The following ATP8B3 variants were observed in gnomAD, a reference collection of about 807,000 sequenced individuals.
The protein encoded by ATP8B3 is ATPase phospholipid transporting 8B3.
A neutral mutation model predicts 140.9 loss-of-function variants in ATP8B3; 141 were observed. The ratio of observed to expected loss-of-function variants is 1.00; its 90% CI spans 0.87 to 1.15. The LOEUF (loss-of-function observed/expected upper bound fraction) is 1.15, where lower values mean the gene tolerates loss of function less well. Ranked by LOEUF, ATP8B3 falls within the 50% of genes most tolerant of loss-of-function variation. The pLI is 0.00. For missense variants in ATP8B3, 1,874 were observed against 1,740.6 expected (o/e 1.08, Z -1.36); for synonymous variants, 765 against 714.6 (o/e 1.07, Z -1.13).
Position 1,788,983 on chromosome 19 carries a change from T to TGG in ATP8B3, c.2982_2983insCC (p.Lys995ProfsTer15). On this transcript the variant is annotated frameshift_variant, in exon 24 of 29. Transcript: ENST00000310127. LOFTEE classifies it high-confidence loss of function. Reference sequence around the variant, plus strand: ...TTGTAGAAGAAGTAGCGCAGGAACTTGCAGATCCGCACGTAGGACCAGCGG... The same window carrying TGG: ...TTGTAGAAGAAGTAGCGCAGGAACTTGGGCAGATCCGCACGTAGGACCAGCGG... The TGG allele has an allele frequency of 6.2e-7, 1 of 1,610,528 alleles. No individual in the cohort carries two copies. Among genetic ancestry groups the TGG allele is most frequent in the Non-Finnish European group, 8.5e-7 (1 of 1,178,834 alleles).
In ATP8B3 at chr19:1,789,574, C is replaced by G. The variant is rs762091378; in HGVS notation, c.2632G>C (p.Ala878Pro). Residue 878 changes from alanine (A) to proline (P), a missense_variant, in exon 23 of 29, where the codon GCT becomes CCT. By Grantham distance (27) the Ala-to-Pro change is conservative. Transcript: ENST00000310127. ...LLCRRFGLPL[A>P]APPAQDSRAR... ...CTGGAGTCCTGGGCTGGCGGTGCAG[C>G]CAGCGGGAGCCCGAACCTCCGGCAC... is the stretch of plus-strand genomic sequence containing the variant. The G allele has an allele frequency of 1.3e-6, 2 of 1,593,274 alleles. No homozygotes were observed. Among genetic ancestry groups the G allele is most frequent in the African/African-American group, 2.7e-5 (2 of 74,618 alleles).
chr19:1,790,904 G>A, intron 20 of ATP8B3, 72 bp from the exon 21 acceptor site: 2 of 1,387,726 alleles, frequency 1.4e-6, no homozygotes, highest in Non-Finnish European at 2.0e-6. Context: ...CGCCCACTCT[G>A]CCCGGTGAAT....
Position 1,802,612 on chromosome 19 carries a change from A to T in ATP8B3, c.938T>A (p.Met313Lys). 1 of 1,611,880 alleles carries T rather than the reference A, an allele frequency of 6.2e-7. No individual in the cohort carries two copies. Among genetic ancestry groups the T allele is most frequent in the Non-Finnish European group, 8.5e-7 (1 of 1,179,616 alleles). Residue 313 changes from methionine (M) to lysine (K), a missense_variant, in exon 11 of 29, where the codon ATG (methionine) becomes AAG (lysine). Physicochemically the swap from Met to Lys is moderately conservative, Grantham distance 95. Coordinates refer to ENST00000310127, the MANE Select transcript of ATP8B3 (RefSeq NM_138813.4). The part of the protein sequence containing the change: ...TVTCEAPNSR[M>K]HHFVGCLEWN... ...TTCCAGGCACCCCACGAAGTGGTGCATCCGACTGTTAGGCGCCTCACACGT... is the reference window on the plus strand; with the variant it reads ...TTCCAGGCACCCCACGAAGTGGTGCTTCCGACTGTTAGGCGCCTCACACGT...
rs199969503 is a variant in ATP8B3, at chr19:1,788,976, A to G, written c.2990T>C (p.Leu997Pro). The G allele has an allele frequency of 6.7e-5, 108 of 1,610,090 alleles. No homozygotes were observed. The highest frequency in any genetic ancestry group is 4.9e-4 in the Middle Eastern group (3 of 6,082). Reference sequence around the variant, plus strand: ...CATGCTCTTGTAGAAGAAGTAGCGCAGGAACTTGCAGATCCGCACGTAGGA... The same window carrying G: ...CATGCTCTTGTAGAAGAAGTAGCGCGGGAACTTGCAGATCCGCACGTAGGA... ...RWSYVRICKF[L>P]RYFFYKSMAS... Residue 997 changes from leucine to proline, a missense_variant, in exon 24 of 29, where the codon CTG (leucine) becomes CCG (proline). This residue lies in a region of ATP8B3 where 840 missense variants were observed against 760.9 expected (regional missense o/e 1.10). Coordinates refer to ENST00000310127, the MANE Select transcript of ATP8B3 (RefSeq NM_138813.4).
intron 17 of ATP8B3, 32 bp from the exon 18 acceptor site, chr19:1,796,019 G>A (rs2145188809): frequency 1.2e-6 from 2 of 1,612,044 alleles, no homozygotes; most frequent in East Asian, 4.5e-5. Context: ...TGCCCACAGA[G>A]GCTCCCCGTC....
At chr19:1,810,324 C>G (rs1262536696) in intron 3 of ATP8B3, among the ~76,000 whole-genome samples, 2 of 152,200 alleles carry the variant, frequency 1.3e-5, no homozygotes, top group Non-Finnish European at 2.9e-5. Flanking sequence ...GTAGCACAAT[C>G]GCAGCTCACT....
Position 1,800,632 on chromosome 19 carries a change from C to T in ATP8B3, c.1153-183G>A, listed in dbSNP as rs1302314594. On this transcript the variant is annotated intron_variant, in intron 12 of 28. Transcript: ENST00000310127. This position sits in a 1 kb window ranked among gnomAD's most constrained non-coding sequence, Gnocchi z 4.4. ...GTCAGGAGTTCAAGACCAGCCTGGGCGACAAAGTGAGACCTCATCTCGACG... is the reference window on the plus strand; with the variant it reads ...GTCAGGAGTTCAAGACCAGCCTGGGTGACAAAGTGAGACCTCATCTCGACG... 2.0e-5 allele frequency among the ~76,000 whole-genome samples: 3 copies of T among 151,934 alleles called. No homozygotes were observed. The highest frequency in any genetic ancestry group is 4.8e-5 in the African/African-American group (2 of 41,338).
chr19:1,792,141 G>T lies in ATP8B3; in HGVS notation c.2056-6C>A. On this transcript the variant is annotated splice_region_variant and splice_polypyrimidine_tract_variant and intron_variant, in intron 18 of 28. Coordinates refer to ENST00000310127, the MANE Select transcript of ATP8B3 (RefSeq NM_138813.4). ...AGGGTCTCCTGGGCAAAGGCCTGGG[G>T]GCCGGGCAGGTGGAAGCTGTCACCA... The T allele has an allele frequency of 6.4e-7, 1 of 1,568,418 alleles. No individual in the cohort carries two copies. Among genetic ancestry groups the T allele is most frequent in the Non-Finnish European group, 8.6e-7 (1 of 1,164,822 alleles).
At position 1,811,511 on chromosome 19, in the gene ATP8B3, T is replaced by C; in HGVS notation, c.226A>G (p.Lys76Glu). ...RHKAQPGRAR[K>E]YEWRPEGPTS... ...CACCCTTCTGGTCTCCATTCATACT[T>C]CCTAGCCCGGCCAGGCTGGGCCTTG... The change falls in exon 2 of 29, where the codon AAG (lysine) becomes GAG (glutamate). Residue 76 changes from lysine (K) to glutamate (E), a missense_variant. By Grantham distance (56) the Lys-to-Glu change is moderately conservative (BLOSUM62 1). Coordinates refer to ENST00000310127, the MANE Select transcript of ATP8B3 (RefSeq NM_138813.4). 1 of 1,612,054 alleles carries C rather than the reference T, an allele frequency of 6.2e-7. No individual in the cohort carries two copies. Among genetic ancestry groups the C allele is most frequent in the Non-Finnish European group, 8.5e-7 (1 of 1,179,696 alleles).
At chr19:1,797,570 G>A (rs2068722281) in intron 14 of ATP8B3, among the ~76,000 whole-genome samples, 1 of 150,950 alleles carries the variant, frequency 6.6e-6, no homozygotes, top group Non-Finnish European at 1.5e-5. Context: ...CACAAGCTCA[G>A]CTCACTGCAA....
rs1411637839 is a variant in ATP8B3 at position 1,800,419 on chromosome 19, C to G, written c.1183G>C (p.Val395Leu). Reference sequence around the variant, plus strand: ...GAGAAACCGAAGCCGAAGGCCAACACCAGGCAGACAAGCACCACGGAGATG... The same window carrying G: ...GAGAAACCGAAGCCGAAGGCCAACAGCAGGCAGACAAGCACCACGGAGATG... Reference protein sequence around the residue: ...IFISVVLVCLVLAFGFGFSVK... With the variant: ...IFISVVLVCLLLAFGFGFSVK... Residue 395 changes from valine to leucine, a missense_variant, in exon 13 of 29, where the codon GTG (valine) becomes CTG (leucine). Transcript: ENST00000310127. This position sits in a 1 kb window ranked among gnomAD's most constrained non-coding sequence, Gnocchi z 4.4. 7 of 1,612,550 alleles carry G rather than the reference C, an allele frequency of 4.3e-6. No individual in the cohort carries two copies. In the South Asian group the frequency reaches 7.7e-5, roughly 18 times the overall value.
At chr19:1,811,440 G>GC (rs776206666) in intron 2 of ATP8B3, 49 bp downstream of exon 2, 21 of 1,570,554 alleles carry the variant, frequency 1.3e-5, no homozygotes, top group Non-Finnish European at 2.6e-6. Context: ...TGCCCTCCCC[G>GC]CCAAGCCCCT....
intron 25 of ATP8B3, 63 bp downstream of exon 25, chr19:1,787,040 C>T (rs948089439): frequency 1.3e-5 from 18 of 1,430,696 alleles, no homozygotes; most frequent in African/African-American, 8.5e-5. Flanking sequence ...CCCCAAGGAG[C>T]GGAGGAGAGG....
chr19:1,784,790 T>A (rs1470780019), intron 28 of ATP8B3, 29 bp downstream of exon 28: 9 of 1,571,860 alleles, frequency 5.7e-6, no homozygotes, highest in Admixed American at 1.9e-5. Flanking sequence ...ATGTACCAGA[T>A]GAGGACCCCA....
chr19:1,803,029 C>G (rs2068902107), intron 10 of ATP8B3, among the ~76,000 whole-genome samples: 1 of 152,156 alleles, frequency 6.6e-6, no homozygotes, highest in South Asian at 2.1e-4. Flanking sequence ...ACACTCTGAC[C>G]CCAGGGCACG....
chr19:1,809,416 G>A (rs1021142488), intron 4 of ATP8B3, among the ~76,000 whole-genome samples: 2 of 151,810 alleles, frequency 1.3e-5, no homozygotes, highest in African/African-American at 4.8e-5. Flanking sequence ...CGGAGGTGGA[G>A]GTTGCAGTGA....
chr19:1,806,076 T>C lies in ATP8B3; in HGVS notation c.750+21A>G. 6.2e-7 allele frequency: 1 copy of C among 1,601,452 alleles called. No individual in the cohort carries two copies. The highest frequency in any genetic ancestry group is 8.5e-7 in the Non-Finnish European group (1 of 1,174,672). On this transcript the variant is annotated intron_variant, in intron 8 of 28. Coordinates refer to ENST00000310127, the MANE Select transcript of ATP8B3 (RefSeq NM_138813.4). The surrounding 1 kb of genome is among the most constrained non-coding windows in gnomAD (Gnocchi z 5.6). ...TGAGGGGGCGCGTGGTTCTGGGACC[T>C]CGGGGTCAACCCCAGCTCACTGGGA...
At position 1,782,189 on chromosome 19, in the gene ATP8B3, A is replaced by G. The variant is rs1600375210; in HGVS notation, c.*839T>C. ...GTTGACTTGCAGCAGAACTGGCTGG[A>G]GCTTCTTCTTCCCAGGAAGGACATC... On this transcript the variant is annotated 3_prime_UTR_variant, in exon 29 of 29. Coordinates refer to ENST00000310127, the MANE Select transcript of ATP8B3 (RefSeq NM_138813.4). 4.0e-6 allele frequency: 1 copy of G among 251,960 alleles called. No individual in the cohort carries two copies. 15.6% of individuals were successfully genotyped at this position (251,960 alleles called of 1,614,324 possible). A position where few individuals can be genotyped will look rare whatever the true frequency, so the allele number is the denominator to read the frequency against.
At chr19:1,787,074 G>C in intron 25 of ATP8B3, 29 bp downstream of exon 25, 1 of 1,548,558 alleles carries the variant, frequency 6.5e-7, no homozygotes, top group Non-Finnish European at 8.8e-7. Context: ...CAGAGACCTG[G>C]AAGGAAGACC....
Sources: allele counts gnomAD v4.1 joint callset (sites outside exome capture counted in the v4.1 genomes callset), GRCh38; gene constraint gnomAD v4.1.1; regional missense constraint gnomAD v4.1.1; non-coding constraint Gnocchi (gnomAD v3.1); transcripts MANE v1.5; gene names NCBI Gene and HGNC (gene_info 2026-07-23, HGNC 2026-07-21).